MYT1L: variants seen among roughly 807,000 people sequenced by gnomAD.
MYT1L encodes myelin transcription factor 1 like.
Under a neutral mutation model 126.7 loss-of-function variants are expected in MYT1L, and 12 were observed. The ratio of observed to expected loss-of-function variants is 0.09; its 90% CI spans 0.06 to 0.15. The LOEUF is 0.15. MYT1L is among the 10% of genes least tolerant of loss of function. The pLI, the probability that MYT1L is intolerant of heterozygous loss-of-function variation, is 1.00. For synonymous variants in MYT1L, 541 were observed against 604.2 expected (o/e 0.90, Z 1.53); for missense variants, 979 against 1,585.2 (o/e 0.62, Z 6.49).
intron 3 of MYT1L, among the ~76,000 whole-genome samples, chr2:2,129,024 CA>C (rs764343193): frequency 2.6e-5 from 4 of 152,094 alleles, no homozygotes; most frequent in Non-Finnish European, 5.9e-5. Context: ...TGGTTGGAGA[CA>C]AAAAACATAC....
chr2:2,262,067 A>G (rs73913295), intron 2 of MYT1L, among the ~76,000 whole-genome samples: 2,451 of 152,244 alleles, frequency 0.016, 63 homozygotes, highest in African/African-American at 0.056. Flanking sequence ...CCTTAACATA[A>G]CTTCAGGAGT....
At chr2:2,190,846 C>T (rs2092551008) in intron 2 of MYT1L, among the ~76,000 whole-genome samples, 1 of 152,138 alleles carries the variant, frequency 6.6e-6, no homozygotes, top group Non-Finnish European at 1.5e-5. Context: ...AGTGCAGTGG[C>T]ACAATCTTGG....
chr2:2,197,173 A>G (rs933065889), intron 2 of MYT1L, among the ~76,000 whole-genome samples: 3 of 152,206 alleles, frequency 2.0e-5, no homozygotes, highest in Non-Finnish European at 4.4e-5. Flanking sequence ...TATGGCTGAG[A>G]AATAGATATC....
intron 21 of MYT1L, chr2:1,825,457 T>G (rs982232377): frequency 1.3e-5 from 2 of 152,250 alleles, no homozygotes; most frequent in Non-Finnish European, 2.9e-5. Context: ...GAAAACCTAC[T>G]TACTCTTCCC....
At chr2:1,995,467 T>C (rs1330397515) in intron 5 of MYT1L, among the ~76,000 whole-genome samples, 1 of 151,920 alleles carries the variant, frequency 6.6e-6, no homozygotes, top group African/African-American at 2.4e-5. Flanking sequence ...GCATTCTAAA[T>C]AATAAGAGAA....
intron 4 of MYT1L, among the ~76,000 whole-genome samples, chr2:2,020,386 C>T (rs141370911): frequency 1.1e-4 from 17 of 152,296 alleles, no homozygotes; most frequent in African/African-American, 3.8e-4. Flanking sequence ...CAAGGAGTCG[C>T]CCTTCAGAGT....
intron 9 of MYT1L, among the ~76,000 whole-genome samples, chr2:1,935,852 C>T (rs1558457889): frequency 3.3e-5 from 5 of 152,330 alleles, no homozygotes; most frequent in Admixed American, 3.3e-4. Flanking sequence ...ACCCCACTAT[C>T]TTACATTTTC....
At chr2:2,040,349 G>T (rs191348307) in intron 4 of MYT1L, among the ~76,000 whole-genome samples, 9 of 152,282 alleles carry the variant, frequency 5.9e-5, no homozygotes, top group Middle Eastern at 3.4e-3. Context: ...TTGGCTACAG[G>T]ATGGAAAGTT....
intron 3 of MYT1L, among the ~76,000 whole-genome samples, chr2:2,124,813 T>C (rs1620250): frequency 0.86 from 130,229 of 152,190 alleles, 56,173 homozygotes; most frequent in African/African-American, 0.96. Flanking sequence ...CCAGACACTT[T>C]GCTGAGGCAC....
At chr2:1,875,198 C>T (rs140680927) in intron 18 of MYT1L, among the ~76,000 whole-genome samples, 51 of 152,200 alleles carry the variant, frequency 3.4e-4, no homozygotes, top group African/African-American at 5.8e-4. Flanking sequence ...ATAGAGCTGC[C>T]GGGGTGAGTG....
At chr2:2,197,195 G>A (rs2092836889) in intron 2 of MYT1L, among the ~76,000 whole-genome samples, 1 of 152,066 alleles carries the variant, frequency 6.6e-6, no homozygotes. Flanking sequence ...AGTCTGAATT[G>A]TTTGTTTTAG....
chr2:2,096,964 CCT>C (rs1178619571), intron 3 of MYT1L, among the ~76,000 whole-genome samples: 1 of 152,138 alleles, frequency 6.6e-6, no homozygotes, highest in Non-Finnish European at 1.5e-5. Flanking sequence ...GGGCCCAGCT[CCT>C]CTCACGCCAG....
intron 8 of MYT1L, among the ~76,000 whole-genome samples, chr2:1,950,502 G>A (rs2149308806): frequency 6.6e-6 from 1 of 152,118 alleles, no homozygotes; most frequent in South Asian, 2.1e-4. Context: ...CAAGATGGGT[G>A]TGGGACAGGG....
At chr2:1,841,071 T>C (rs2148398254) in intron 19 of MYT1L, 3 of 409,402 alleles carry the variant, frequency 7.3e-6, no homozygotes, top group Non-Finnish European at 1.3e-5. Context: ...GCCTGGCTAA[T>C]TTTTTTGTAT....
intron 3 of MYT1L, among the ~76,000 whole-genome samples, chr2:2,066,282 T>A (rs2071261579): frequency 6.6e-6 from 1 of 152,196 alleles, no homozygotes. Flanking sequence ...GGGCACCAGG[T>A]GTGTTCTAAG....
In MYT1L at chr2:1,889,258, C is replaced by A; in HGVS notation, c.2503G>T (p.Glu835Ter). The change falls in exon 16 of 25, where the codon GAG (glutamate) becomes TAG (stop). Residue 835 changes from glutamate to a stop codon, truncating the protein, a stop_gained. Transcript: ENST00000647738. LOFTEE classifies it high-confidence loss of function. This position sits in a 1 kb window ranked among gnomAD's most constrained non-coding sequence, Gnocchi z 4.1. ...KMKPRRIDED[E>*]SKDITPEDLD... is the part of the protein sequence containing the mutation. ...GGACATACAGTAATGTCTTTGGACT[C>A]GTCCTCGTCTATCCTCCGGGGTTTC... The A allele has an allele frequency of 6.2e-7, 1 of 1,613,852 alleles. No homozygotes were observed. Among genetic ancestry groups the A allele is most frequent in the Non-Finnish European group, 8.5e-7 (1 of 1,179,822 alleles).
At chr2:2,033,467 A>T (rs1367095699) in intron 4 of MYT1L, among the ~76,000 whole-genome samples, 1 of 152,244 alleles carries the variant, frequency 6.6e-6, no homozygotes, top group African/African-American at 2.4e-5. Flanking sequence ...AGTGCCTCTC[A>T]TCCTATGGCA....
chr2:2,114,282 A>G (rs2079906185), intron 3 of MYT1L, among the ~76,000 whole-genome samples: 1 of 152,154 alleles, frequency 6.6e-6, no homozygotes, highest in Admixed American at 6.5e-5. Flanking sequence ...TACTTATAGC[A>G]CCCTCTTAGC....
At chr2:2,294,045 G>A (rs1048148490) in intron 1 of MYT1L, among the ~76,000 whole-genome samples, 15 of 152,170 alleles carry the variant, frequency 9.9e-5, no homozygotes, top group African/African-American at 3.6e-4. Flanking sequence ...ATACAGAGGA[G>A]AGTAAGGAGG....
Sources: allele counts gnomAD v4.1 joint callset (sites outside exome capture counted in the v4.1 genomes callset), GRCh38; gene constraint gnomAD v4.1.1; non-coding constraint Gnocchi (gnomAD v3.1); transcripts MANE v1.5; gene names NCBI Gene and HGNC (gene_info 2026-07-23, HGNC 2026-07-21).